NOL10: variants seen among roughly 807,000 people sequenced by gnomAD.
NOL10 encodes nucleolar protein 10, also known as H_NH0074G24.1.
Under a neutral mutation model 103.5 loss-of-function variants are expected in NOL10, and 58 were observed. That is an observed-to-expected ratio of 0.56 (90% confidence interval 0.45 to 0.70). The LOEUF is 0.70. Ranked by LOEUF, NOL10 falls within the 30% of genes least tolerant of loss-of-function variation. The probability of loss-of-function intolerance (pLI) is 0.00; values close to 1 mark genes in which losing one functional copy is unlikely to be tolerated. For synonymous variants in NOL10, 287 were observed against 282.5 expected (o/e 1.02, Z -0.16); for missense variants, 763 against 807.3 (o/e 0.95, Z 0.67).
chr2:10,686,553 T>A (rs1259704311), intron 1 of NOL10, among the ~76,000 whole-genome samples: 3 of 152,126 alleles, frequency 2.0e-5, no homozygotes, highest in African/African-American at 7.2e-5. Flanking sequence ...AGCTTACTGA[T>A]AACAGACTGT....
chr2:10,630,440 C>T (rs1489046874), intron 13 of NOL10, among the ~76,000 whole-genome samples: 5 of 152,146 alleles, frequency 3.3e-5, no homozygotes, highest in South Asian at 4.1e-4. Context: ...CAGCTGGGCG[C>T]GATGGCTCAC....
chr2:10,622,179 C>T (rs1320125932), intron 13 of NOL10: 1 of 465,846 alleles, frequency 2.1e-6, no homozygotes, highest in Admixed American at 2.4e-5. Context: ...AAACAGTTAA[C>T]ACAGGAAACT....
intron 13 of NOL10, chr2:10,622,157 A>G: frequency 2.5e-6 from 1 of 405,864 alleles, no homozygotes; most frequent in Non-Finnish European, 4.9e-6. Flanking sequence ...AGAACTGGAA[A>G]ATGTAGATGG....
At chr2:10,626,166 G>A (rs1677451684) in intron 13 of NOL10, among the ~76,000 whole-genome samples, 1 of 152,132 alleles carries the variant, frequency 6.6e-6, no homozygotes, top group Admixed American at 6.5e-5. Context: ...GGGAGACAGA[G>A]TGAGACCCTG....
chr2:10,681,574 G>C (rs1244938976), intron 3 of NOL10, among the ~76,000 whole-genome samples: 1 of 152,168 alleles, frequency 6.6e-6, no homozygotes, highest in Non-Finnish European at 1.5e-5. Context: ...CTTAGGATCT[G>C]TGCATTTCAC....
chr2:10,645,964 CA>C (rs1558318130), intron 12 of NOL10, among the ~76,000 whole-genome samples: 7 of 151,756 alleles, frequency 4.6e-5, no homozygotes, highest in African/African-American at 1.7e-4. Flanking sequence ...CACACACACA[CA>C]CACCCCGTAA....
intron 13 of NOL10, among the ~76,000 whole-genome samples, chr2:10,610,686 A>C (rs1007266804): frequency 6.6e-6 from 1 of 152,234 alleles, no homozygotes; most frequent in Non-Finnish European, 1.5e-5. Context: ...GCTCAACCAC[A>C]GGCACGTCAC....
At position 10,589,565 on chromosome 2, in the gene NOL10, A is replaced by T; in HGVS notation, c.1596+13T>A. 6.5e-7 allele frequency: 1 copy of T among 1,535,274 alleles called. No homozygotes were observed. The highest frequency in any genetic ancestry group is 1.3e-5 in the South Asian group (1 of 77,468). ...AAACAGTAGCAAATTCTAACTGATA[A>T]GGAGTACATTACTTTTTCACGAAGT... is the stretch of plus-strand genomic sequence containing the variant. On this transcript the variant is annotated intron_variant, in intron 18 of 20. Transcript: ENST00000381685.
rs1458647387 is a variant in NOL10, at chr2:10,589,580, T to C, written c.1594A>G (p.Lys532Glu). The change falls in exon 18 of 21, where the codon AAA (lysine) becomes GAA (glutamate). Residue 532 changes from lysine (K) to glutamate (E), a missense_variant and splice_region_variant. Lys to Glu is a moderately conservative substitution (Grantham distance 56). Coordinates refer to ENST00000381685, the MANE Select transcript of NOL10 (RefSeq NM_024894.4). Reference sequence around the variant, plus strand: ...CTAACTGATAAGGAGTACATTACTTTTTCACGAAGTTCTTGTTGCTCTAAG... The same window carrying C: ...CTAACTGATAAGGAGTACATTACTTCTTCACGAAGTTCTTGTTGCTCTAAG... ...RLLEQQELREKEEEEEPEGKP... is the reference protein window; with the variant it reads ...RLLEQQELREEEEEEEPEGKP... 1.3e-6 allele frequency: 2 copies of C among 1,559,626 alleles called. No individual in the cohort carries two copies. The highest frequency in any genetic ancestry group is 1.4e-5 in the African/African-American group (1 of 72,226).
chr2:10,638,300 AACGTGACGTGACGTGACGTGACGTG>A (rs147968545), intron 13 of NOL10, among the ~76,000 whole-genome samples: 5 of 87,192 alleles, frequency 5.7e-5, no homozygotes, highest in African/African-American at 1.9e-4. Context: ...AAAATAACGT[AACGTGACGTGACGTGACGTGACGTG>A]ACGTGACGTA....
intron 13 of NOL10, among the ~76,000 whole-genome samples, chr2:10,638,188 AGGC>A: frequency 6.6e-6 from 1 of 152,116 alleles, no homozygotes; most frequent in Non-Finnish European, 1.5e-5. Context: ...CACAAAGCTG[AGGC>A]GGGAGGATGC....
chr2:10,617,792 T>G (rs886554706), intron 13 of NOL10, among the ~76,000 whole-genome samples: 1 of 152,018 alleles, frequency 6.6e-6, no homozygotes, highest in Non-Finnish European at 1.5e-5. Flanking sequence ...TCAAAAGGAA[T>G]AAAGTACTGA....
chr2:10,620,360 TA>T (rs1486100728), intron 13 of NOL10, among the ~76,000 whole-genome samples: 9 of 152,154 alleles, frequency 5.9e-5, no homozygotes, highest in African/African-American at 2.2e-4. Context: ...TTAAAAAAAT[TA>T]TATGTACACT....
At chr2:10,620,467 G>A (rs1255192752) in intron 13 of NOL10, among the ~76,000 whole-genome samples, 1 of 152,146 alleles carries the variant, frequency 6.6e-6, no homozygotes, top group Non-Finnish European at 1.5e-5. Context: ...TGGGGAGGCG[G>A]TCATGCACGG....
Position 10,573,560 on chromosome 2 carries a change from C to CCA in NOL10, c.1948-1372_1948-1371dup, listed in dbSNP as rs534410427. On this transcript the variant is annotated intron_variant, in intron 20 of 20. Coordinates refer to ENST00000381685, the MANE Select transcript of NOL10 (RefSeq NM_024894.4). ...TGTGTTACCCTTGAGGAGAAAGTGT[C>CCA]CAGTGGATTCACCTCTTGTGGATAT... 3.5e-3 allele frequency among the ~76,000 whole-genome samples: 532 copies of CCA among 151,554 alleles called. 5 individuals are homozygous for CCA. Among genetic ancestry groups the CCA allele is most frequent in the Non-Finnish European group, 5.4e-3 (370 of 67,966 alleles).
At chr2:10,655,658 G>A (rs1471558717) in intron 11 of NOL10, among the ~76,000 whole-genome samples, 2 of 152,112 alleles carry the variant, frequency 1.3e-5, no homozygotes, top group African/African-American at 4.8e-5. Flanking sequence ...TAGTCAAGAG[G>A]AAGTCTTTAG....
At chr2:10,655,133 G>A (rs1186302614) in intron 11 of NOL10, among the ~76,000 whole-genome samples, 1 of 151,754 alleles carries the variant, frequency 6.6e-6, no homozygotes, top group East Asian at 1.9e-4. Context: ...CTTGAACCCA[G>A]GAGGCGGAGG....
At chr2:10,613,265 T>G (rs1676664621) in intron 13 of NOL10, among the ~76,000 whole-genome samples, 1 of 152,198 alleles carries the variant, frequency 6.6e-6, no homozygotes, top group African/African-American at 2.4e-5. Context: ...ACAGCAATAC[T>G]TATGTGGAAG....
intron 13 of NOL10, among the ~76,000 whole-genome samples, chr2:10,628,947 G>C (rs1301059112): frequency 1.3e-5 from 2 of 152,086 alleles, no homozygotes; most frequent in Non-Finnish European, 2.9e-5. Flanking sequence ...GATGCCTTAG[G>C]GAATTAGGAA....
Sources: allele counts gnomAD v4.1 joint callset (sites outside exome capture counted in the v4.1 genomes callset), GRCh38; gene constraint gnomAD v4.1.1; transcripts MANE v1.5; gene names NCBI Gene and HGNC (gene_info 2026-07-23, HGNC 2026-07-21).